The following AOC2 variants were observed in gnomAD, a reference collection of about 807,000 sequenced individuals.
AOC2 encodes the protein amine oxidase copper containing 2.
Under a neutral mutation model 53.8 loss-of-function variants are expected in AOC2, and 57 were observed. That is an observed-to-expected ratio of 1.06 (90% CI 0.86 to 1.32). AOC2 has a LOEUF of 1.32. Among genes scored for constraint, AOC2 ranks in the 40% most tolerant of loss-of-function variants. The probability of loss-of-function intolerance (pLI) is 0.00; values close to 1 mark genes in which losing one functional copy is unlikely to be tolerated. For synonymous variants in AOC2, 404 were observed against 399.0 expected, an observed-to-expected ratio of 1.01 and a Z score of -0.15; for missense variants, 1,008 against 957.2, an observed-to-expected ratio of 1.05 and a Z score of -0.70.
chr17:42,849,075 C>A lies in AOC2; in HGVS notation c.1589-11C>A. On this transcript the variant is annotated splice_polypyrimidine_tract_variant and intron_variant, in intron 1 of 3. Transcript: ENST00000253799. ...GGTGTGGAACTCATCTCCTTTCCCT[C>A]CCCCTGGCAGGGCTGAAAAACTGGG... 1 of 1,601,616 alleles carries A rather than the reference C, an allele frequency of 6.2e-7. No homozygotes were observed. Among genetic ancestry groups the A allele is most frequent in the Non-Finnish European group, 8.5e-7 (1 of 1,171,514 alleles).
intron 2 of AOC2, 97 bp downstream of exon 2, chr17:42,849,468 C>CT: frequency 1.3e-6 from 2 of 1,579,302 alleles, no homozygotes; most frequent in African/African-American, 2.7e-5. Flanking sequence ...CCATTCATCC[C>CT]TGTACCTCCC....
intron 3 of AOC2, 138 bp from the exon 4 acceptor site, chr17:42,849,944 G>A (rs1033832092): frequency 7.5e-7 from 1 of 1,326,666 alleles, no homozygotes; most frequent in African/African-American, 1.5e-5. Context: ...CTGCTTACAT[G>A]GATTGCTCCA....
chr17:42,849,833 G>T (rs968389281), intron 3 of AOC2, 103 bp downstream of exon 3: 3 of 1,538,100 alleles, frequency 2.0e-6, no homozygotes, highest in Non-Finnish European at 2.7e-6. Context: ...TTTCCAGTTC[G>T]CAGATTCAGA....
Position 42,845,317 on chromosome 17 carries a change from G to C in AOC2, c.691G>C (p.Gly231Arg), listed in dbSNP as rs760659738. 6.2e-7 allele frequency: 1 copy of C among 1,614,190 alleles called. No homozygotes were observed. The highest frequency in any genetic ancestry group is 8.5e-7 in the Non-Finnish European group (1 of 1,180,036). The change falls in exon 1 of 4, where the codon GGT (glycine) becomes CGT (arginine). Residue 231 changes from glycine (G) to arginine (R), a missense_variant. Physicochemically the swap from Gly to Arg is moderately radical, Grantham distance 125. Transcript: ENST00000253799. Reference protein sequence around the residue: ...MALYHNISGVGLFLHPVGLEL... With the variant: ...MALYHNISGVRLFLHPVGLEL... ...CCTCTACCATAACATCTCAGGGGTT[G>C]GTCTTTTCCTTCACCCCGTGGGGCT...
At position 42,845,413 on chromosome 17, in the gene AOC2, C is replaced by CT. The variant is rs1383991301; in HGVS notation, c.787_788insT (p.His263LeufsTer14). ...TGTCCAGCAGGTCTTCTACCTTGGGCACTACTATGCAGACTTGGGCCAGTT... is the reference window on the plus strand; with the variant it reads ...TGTCCAGCAGGTCTTCTACCTTGGGCTACTACTATGCAGACTTGGGCCAGTT... On this transcript the variant is annotated frameshift_variant, in exon 1 of 4. Coordinates refer to ENST00000253799, the MANE Select transcript of AOC2 (RefSeq NM_009590.4). LOFTEE classifies it high-confidence loss of function. 1.9e-6 allele frequency: 3 copies of CT among 1,614,214 alleles called. No individual in the cohort carries two copies. The highest frequency in any genetic ancestry group is 2.5e-6 in the Non-Finnish European group (3 of 1,180,044).
chr17:42,849,732 T>G lies in AOC2; in HGVS notation c.2004+2T>G. ...AACAATGAAACCCTCTTAGGAGAGG[T>G]TGGTTGCCCTAGGGACATAGGAAAG... On this transcript the variant is annotated splice_donor_variant, in intron 3 of 3. Coordinates refer to ENST00000253799, the MANE Select transcript of AOC2 (RefSeq NM_009590.4). LOFTEE classifies it high-confidence loss of function. 6.2e-7 allele frequency: 1 copy of G among 1,613,982 alleles called. No homozygotes were observed. The highest frequency in any genetic ancestry group is 8.5e-7 in the Non-Finnish European group (1 of 1,179,974).
intron 1 of AOC2, among the ~76,000 whole-genome samples, chr17:42,847,420 C>A (rs911261149): frequency 2.1e-4 from 32 of 149,274 alleles, no homozygotes; most frequent in African/African-American, 8.0e-4. Flanking sequence ...GTTGAACTTA[C>A]AGTCCAGACC....
At chr17:42,849,755 A>G in intron 3 of AOC2, 25 bp downstream of exon 3, 1 of 1,613,990 alleles carries the variant, frequency 6.2e-7, no homozygotes, top group Non-Finnish European at 8.5e-7. Context: ...GGACATAGGA[A>G]AGGGACACCT....
At chr17:42,846,877 GAA>G (rs1447997933) in intron 1 of AOC2, among the ~76,000 whole-genome samples, 2 of 152,216 alleles carry the variant, frequency 1.3e-5, no homozygotes, top group East Asian at 3.9e-4. Flanking sequence ...GTCAAGGACA[GAA>G]AGGAACTTAC....
At chr17:42,848,726 T>G (rs1210004913) in intron 1 of AOC2, among the ~76,000 whole-genome samples, 1 of 151,636 alleles carries the variant, frequency 6.6e-6, no homozygotes, top group East Asian at 1.9e-4. Flanking sequence ...GATTTTTTTA[T>G]TGTTTGTAGA....
Position 42,845,145 on chromosome 17 carries a change from A to G in AOC2, c.519A>G (p.Thr173=), listed in dbSNP as rs1302526688. 6.2e-7 allele frequency: 1 copy of G among 1,613,710 alleles called. No individual in the cohort carries two copies. Among genetic ancestry groups the G allele is most frequent in the Non-Finnish European group, 8.5e-7 (1 of 1,180,016 alleles). The change falls in exon 1 of 4, where the codon ACA becomes ACG. Residue 173 remains threonine, a synonymous_variant. Transcript: ENST00000253799. ...HRRPVLRAEF[T]QMWRHLKEVE... ...GCCCGGTGCTGAGAGCTGAGTTTAC[A>G]CAGATGTGGAGGCATCTGAAAGAGG...
intron 1 of AOC2, among the ~76,000 whole-genome samples, chr17:42,846,654 G>C (rs2055602013): frequency 6.6e-6 from 1 of 152,190 alleles, no homozygotes. Context: ...AGAGTCTTCA[G>C]GGTGGGGGTC....
In AOC2 at chr17:42,849,264, G is replaced by A; in HGVS notation, c.1767G>A (p.Gln589=). The change falls in exon 2 of 4, where the codon CAG becomes CAA. Residue 589 remains glutamine (Q), a synonymous_variant. Transcript: ENST00000253799. ...GCTACCTCTACCTGGCTAGCAACCA[G>A]ACTAATGCGTGGGGTCACCAGCGCG... The part of the protein sequence containing the change: ...LPRYLYLASN[Q]TNAWGHQRGY... 1 of 1,614,170 alleles carries A rather than the reference G, an allele frequency of 6.2e-7. No individual in the cohort carries two copies. Among genetic ancestry groups the A allele is most frequent in the South Asian group, 1.1e-5 (1 of 91,080 alleles).
rs1322106146 is a variant in AOC2, at chr17:42,850,416, C to T, written c.*68C>T. ...TTCCCTGTTTCTACTTTCTATTCTC[C>T]GTGTTTTTATCACACCTGCTCCCCA... On this transcript the variant is annotated 3_prime_UTR_variant, in exon 4 of 4. Coordinates refer to ENST00000253799, the MANE Select transcript of AOC2 (RefSeq NM_009590.4). 2.7e-5 allele frequency: 40 copies of T among 1,499,780 alleles called. No individual in the cohort carries two copies. Among genetic ancestry groups the T allele is most frequent in the Non-Finnish European group, 3.2e-5 (36 of 1,124,534 alleles). The allele number at this position is 1,499,780 out of a possible 1,614,324, so 92.9% of individuals were successfully genotyped here.
rs776756237 is a variant in AOC2, at chr17:42,849,241, T to C, written c.1744T>C (p.Tyr582His). The change falls in exon 2 of 4, where the codon TAC becomes CAC. Residue 582 changes from tyrosine to histidine, a missense_variant. Coordinates refer to ENST00000253799, the MANE Select transcript of AOC2 (RefSeq NM_009590.4). ...AFSLGSPLPR[Y>H]LYLASNQTNA... ...TTCCTTGGGAAGCCCCCTACCCCGC[T>C]ACCTCTACCTGGCTAGCAACCAGAC... 3 of 1,614,066 alleles carry C rather than the reference T, an allele frequency of 1.9e-6. No individual in the cohort carries two copies. Among genetic ancestry groups the C allele is most frequent in the Non-Finnish European group, 2.5e-6 (3 of 1,180,024 alleles).
rs111839335 is a variant in AOC2 at position 42,844,770 on chromosome 17, A to C, written c.144A>C (p.Pro48=). The C allele has an allele frequency of 1.9e-6, 3 of 1,614,104 alleles. No homozygotes were observed. The highest frequency in any genetic ancestry group is 1.3e-5 in the African/African-American group (1 of 75,026). Residue 48 remains proline (P), a synonymous_variant, in exon 1 of 4, where the codon CCA becomes CCC. Coordinates refer to ENST00000253799, the MANE Select transcript of AOC2 (RefSeq NM_009590.4). ...PSVSHRAQPW[P]HPGQSQLFAD... ...TATCCCATAGGGCCCAGCCCTGGCC[A>C]CACCCTGGCCAGAGCCAGCTGTTTG...
At chr17:42,848,760 A>G (rs1476572011) in intron 1 of AOC2, among the ~76,000 whole-genome samples, 1 of 151,830 alleles carries the variant, frequency 6.6e-6, no homozygotes. Context: ...CACGTTGCAC[A>G]GGCTGGTCTC....
At chr17:42,847,555 C>T (rs2055608401) in intron 1 of AOC2, among the ~76,000 whole-genome samples, 1 of 152,212 alleles carries the variant, frequency 6.6e-6, no homozygotes, top group South Asian at 2.1e-4. Flanking sequence ...CAGTACTTCC[C>T]ACCTTGCTGA....
chr17:42,845,783 G>A lies in AOC2; in HGVS notation c.1157G>A (p.Gly386Asp). ...TATTTGGATAGCAGCTTTGGACTCG[G>A]CCGTAACAGCCGAGGCTTGGTGCGG... ...TRYLDSSFGL[G>D]RNSRGLVRGV... The change falls in exon 1 of 4, where the codon GGC (glycine) becomes GAC (aspartate). Residue 386 changes from glycine (G) to aspartate (D), a missense_variant. Gly to Asp is a moderately conservative substitution (Grantham distance 94, BLOSUM62 -1). Transcript: ENST00000253799. The A allele has an allele frequency of 6.2e-7, 1 of 1,614,200 alleles. No homozygotes were observed. Among genetic ancestry groups the A allele is most frequent in the South Asian group, 1.1e-5 (1 of 91,092 alleles).
Sources: allele counts gnomAD v4.1 joint callset (sites outside exome capture counted in the v4.1 genomes callset), GRCh38; gene constraint gnomAD v4.1.1; transcripts MANE v1.5; gene names NCBI Gene and HGNC (gene_info 2026-07-23, HGNC 2026-07-21).